UGT2B11: variants seen among roughly 807,000 people sequenced by gnomAD.
UGT2B11 encodes UDP-glucuronosyltransferase 2B11.
A neutral mutation model predicts 51.7 loss-of-function variants in UGT2B11; 49 were observed. The ratio of observed to expected loss-of-function variants is 0.95; its 90% CI spans 0.75 to 1.20. The LOEUF (loss-of-function observed/expected upper bound fraction) is 1.20, where lower values mean the gene tolerates loss of function less well. UGT2B11 is among the 50% of genes most tolerant of loss of function. UGT2B11 has a pLI of 0.00. For synonymous variants in UGT2B11, 273 were observed against 209.0 expected, an observed-to-expected ratio of 1.31 and a Z score of -2.64; for missense variants, 810 against 622.1, an observed-to-expected ratio of 1.30 and a Z score of -3.21.
chr4:69,209,823 T>C (rs1044654571), intron 2 of UGT2B11, among the ~76,000 whole-genome samples: 18 of 151,650 alleles, frequency 1.2e-4, no homozygotes, highest in African/African-American at 4.3e-4. Flanking sequence ...AGGAATCTAA[T>C]CTCTGTTTAG....
chr4:69,217,671 G>A (rs111956677), upstream of UGT2B11, among the ~76,000 whole-genome samples: 408 of 152,136 alleles, frequency 2.7e-3, 3 homozygotes, highest in African/African-American at 9.5e-3. Flanking sequence ...TCATTTCAAT[G>A]TGGACCAACT....
At chr4:69,209,390 G>T (rs540633515) in intron 2 of UGT2B11, among the ~76,000 whole-genome samples, 7 of 151,638 alleles carry the variant, frequency 4.6e-5, no homozygotes, top group Non-Finnish European at 8.9e-5. Flanking sequence ...CTTCAGGAGA[G>T]ATCTTGTCTC....
chr4:69,207,899 C>A (rs530934458), intron 3 of UGT2B11, among the ~76,000 whole-genome samples: 7 of 151,700 alleles, frequency 4.6e-5, no homozygotes, highest in Non-Finnish European at 5.9e-5. Context: ...CATAAGTCTT[C>A]CTTGTATTTC....
At chr4:69,215,004 C>A (rs780872484), upstream of UGT2B11, 1 of 348,424 alleles carries the variant, frequency 2.9e-6, no homozygotes, top group Non-Finnish European at 5.1e-6. Context: ...ATAATAGTGT[C>A]AAGAACAGTG....
At chr4:69,224,542 C>G in the UGT2B11 span, among the ~76,000 whole-genome samples, 1 of 152,054 alleles carries the variant, frequency 6.6e-6, no homozygotes, top group Non-Finnish European at 1.5e-5. Flanking sequence ...CCGGTTTAGC[C>G]TCTGAATTCT....
Position 69,214,238 on chromosome 4 carries a change from G to C in UGT2B11, c.485C>G (p.Ala162Gly). 1 of 1,613,210 alleles carries C rather than the reference G, an allele frequency of 6.2e-7. No homozygotes were observed. The highest frequency in any genetic ancestry group is 8.5e-7 in the Non-Finnish European group (1 of 1,179,478). ...AVFPCGELLA[A>G]LLNIRFVYSL... is the part of the protein sequence containing the mutation. ...GTACACAAACCGTATGTTAAGTAGC[G>C]CAGCCAGCAGCTCACCACAGGGAAA... Residue 162 changes from alanine (A) to glycine (G), a missense_variant, in exon 1 of 6, where the codon GCG becomes GGG. By Grantham distance (60) the Ala-to-Gly change is moderately conservative. Coordinates refer to ENST00000446444, the MANE Select transcript of UGT2B11 (RefSeq NM_001073.3).
At chr4:69,207,328 T>C (rs1007636862) in intron 3 of UGT2B11, among the ~76,000 whole-genome samples, 11 of 151,684 alleles carry the variant, frequency 7.3e-5, no homozygotes, top group Non-Finnish European at 1.0e-4. Flanking sequence ...TTTTATTTGC[T>C]ACATCAGTGT....
intron 5 of UGT2B11, among the ~76,000 whole-genome samples, chr4:69,202,615 A>G (rs1285597544): frequency 6.6e-6 from 1 of 151,660 alleles, no homozygotes; most frequent in African/African-American, 2.4e-5. Context: ...ATATGTGTGT[A>G]TGTCATTTTA....
upstream of UGT2B11, chr4:69,216,314 A>G (rs961023303): frequency 3.3e-5 from 5 of 152,076 alleles, no homozygotes; most frequent in Non-Finnish European, 5.9e-5. Flanking sequence ...TGCATCTTTG[A>G]ATCATATGCC....
chr4:69,208,081 G>T (rs1483665539), intron 3 of UGT2B11, among the ~76,000 whole-genome samples: 3 of 151,594 alleles, frequency 2.0e-5, no homozygotes, highest in East Asian at 3.9e-4. Flanking sequence ...CAAGTTCCCT[G>T]TTGTGGATAC....
chr4:69,222,101 T>C, the UGT2B11 span, among the ~76,000 whole-genome samples: 1 of 152,406 alleles, frequency 6.6e-6, no homozygotes, highest in South Asian at 2.1e-4. Flanking sequence ...GGCTGCAGCC[T>C]TTCTCTTATC....
intron 1 of UGT2B11, among the ~76,000 whole-genome samples, chr4:69,213,059 T>C (rs1244275701): frequency 6.6e-6 from 1 of 151,428 alleles, no homozygotes; most frequent in Non-Finnish European, 1.5e-5. Flanking sequence ...TTTAAACAAC[T>C]CTTTGAGCTC....
intron 5 of UGT2B11, among the ~76,000 whole-genome samples, chr4:69,203,554 C>T (rs1241962491): frequency 6.6e-6 from 1 of 151,654 alleles, no homozygotes. Context: ...AGCAATATTC[C>T]TAGTAGCCAC....
chr4:69,214,527 G>T lies in UGT2B11; in HGVS notation c.196C>A (p.Pro66Thr). 6.2e-7 allele frequency: 1 copy of T among 1,613,008 alleles called. No individual in the cohort carries two copies. Among genetic ancestry groups the T allele is most frequent in the Non-Finnish European group, 8.5e-7 (1 of 1,179,444 alleles). The change falls in exon 1 of 6, where the codon CCC (proline) becomes ACC (threonine). Residue 66 changes from proline to threonine, a missense_variant. Transcript: ENST00000446444. ...AATTTAAGAGTGGATGCATCATTGGGATCAAAAAGAATGGAAGCTGAAGAT... is the reference window on the plus strand; with the variant it reads ...AATTTAAGAGTGGATGCATCATTGGTATCAAAAAGAATGGAAGCTGAAGAT... The part of the protein sequence containing the change: ...LASSASILFD[P>T]NDASTLKFEV...
At chr4:69,213,621 T>C (rs1236048012) in intron 1 of UGT2B11, among the ~76,000 whole-genome samples, 1 of 151,846 alleles carries the variant, frequency 6.6e-6, no homozygotes, top group Non-Finnish European at 1.5e-5. Flanking sequence ...GTTACATAGA[T>C]AGTTGTAGAA....
intron 3 of UGT2B11, among the ~76,000 whole-genome samples, chr4:69,206,894 T>A (rs1445605041): frequency 6.6e-6 from 1 of 151,572 alleles, no homozygotes; most frequent in Non-Finnish European, 1.5e-5. Context: ...TGTCCTTTGA[T>A]TGACAAAATA....
chr4:69,202,759 T>C (rs1046563945), intron 5 of UGT2B11, among the ~76,000 whole-genome samples: 1 of 151,754 alleles, frequency 6.6e-6, no homozygotes, highest in African/African-American at 2.4e-5. Flanking sequence ...TACCACATTG[T>C]TTTATGTTTC....
chr4:69,210,120 C>A (rs1722004252), intron 2 of UGT2B11, among the ~76,000 whole-genome samples: 1 of 151,384 alleles, frequency 6.6e-6, no homozygotes, highest in African/African-American at 2.4e-5. Context: ...TTATATTTAT[C>A]ATTTTCCAAC....
chr4:69,203,027 A>G (rs963509980), intron 5 of UGT2B11, among the ~76,000 whole-genome samples: 1 of 151,664 alleles, frequency 6.6e-6, no homozygotes, highest in Admixed American at 6.6e-5. Context: ...TTAAAAATTT[A>G]ACTTAAAATT....
Sources: gnomAD v4.1 joint callset for allele counts (sites outside exome capture counted in the v4.1 genomes callset) on GRCh38, gnomAD v4.1.1 for gene constraint, MANE v1.5 for transcripts, NCBI Gene and HGNC (gene_info 2026-07-23, HGNC 2026-07-21) for gene names.